The following ULK4 variants were observed in gnomAD, a reference collection of about 807,000 sequenced individuals.
ULK4 encodes inactive serine/threonine-protein kinase ULK4.
Under a neutral mutation model 160.6 loss-of-function variants are expected in ULK4, and 133 were observed. That is an observed-to-expected ratio of 0.83 (90% CI 0.72 to 0.96). The LOEUF is 0.96. Among genes scored for constraint, ULK4 ranks in the 40% least tolerant of loss-of-function variants. The pLI, the probability that ULK4 is intolerant of heterozygous loss-of-function variation, is 0.00. For synonymous variants in ULK4, 534 were observed against 539.8 expected, an observed-to-expected ratio of 0.99 and a Z score of 0.15; for missense variants, 1,580 against 1,499.5, an observed-to-expected ratio of 1.05 and a Z score of -0.89.
At chr3:41,794,218 A>T (rs1357123694) in intron 20 of ULK4, among the ~76,000 whole-genome samples, 2 of 152,240 alleles carry the variant, frequency 1.3e-5, no homozygotes, top group Non-Finnish European at 2.9e-5. Flanking sequence ...AAGTGGAACA[A>T]CATGTAGAGC....
At chr3:41,415,872 T>C (rs1443131496) in intron 34 of ULK4, among the ~76,000 whole-genome samples, 1 of 152,104 alleles carries the variant, frequency 6.6e-6, no homozygotes, top group African/African-American at 2.4e-5. Context: ...GCCAAATAAG[T>C]GTGTCAGTGA....
chr3:41,503,693 C>T (rs1009287944), intron 32 of ULK4, among the ~76,000 whole-genome samples: 1 of 152,036 alleles, frequency 6.6e-6, no homozygotes, highest in Non-Finnish European at 1.5e-5. Context: ...AAGTAGAACA[C>T]GTATGTAATT....
chr3:41,396,666 C>T lies in ULK4; in HGVS notation c.3678+1413G>A, dbSNP rs191369574. Among the ~76,000 whole-genome samples the T allele has an allele frequency of 7.2e-5, 11 of 152,124 alleles. No individual in the cohort carries two copies. In the East Asian group the frequency reaches 1.9e-3, roughly 27 times the overall value. On this transcript the variant is annotated intron_variant, in intron 35 of 36. Transcript: ENST00000301831. ...CAACTGAGGCTTTTGCCTTGAATAA[C>T]CAGAAAGTCCAAAAGAAAATGGAAA...
intron 22 of ULK4, among the ~76,000 whole-genome samples, chr3:41,734,759 G>A (rs144445335): frequency 6.6e-6 from 1 of 152,202 alleles, no homozygotes; most frequent in East Asian, 1.9e-4. Context: ...TTTTCACATA[G>A]TCCCACTGGA....
intron 33 of ULK4, 27 bp downstream of exon 33, chr3:41,463,060 C>G: frequency 6.2e-7 from 1 of 1,608,548 alleles, no homozygotes; most frequent in Non-Finnish European, 8.5e-7. Flanking sequence ...TAGGGCTGCT[C>G]AAGACACAGG....
chr3:41,670,883 C>T (rs1209410738), intron 29 of ULK4, among the ~76,000 whole-genome samples: 1 of 152,008 alleles, frequency 6.6e-6, no homozygotes, highest in Admixed American at 6.6e-5. Flanking sequence ...TATCTTTATG[C>T]TCTACTACCT....
In ULK4 at chr3:41,898,233, C is replaced by G. The variant is rs569791845; in HGVS notation, c.1348+199G>C. On this transcript the variant is annotated intron_variant, in intron 14 of 36. Coordinates refer to ENST00000301831, the MANE Select transcript of ULK4 (RefSeq NM_017886.4). ...CCACAATAGGACTGGGCAGCCCAGA[C>G]TCAGCTAAGAAATGTCAACAGCTGG... Among the ~76,000 whole-genome samples, 7 of 152,312 alleles carry G rather than the reference C, an allele frequency of 4.6e-5. No homozygotes were observed. The East Asian group carries it at 1.2e-3, about 25-fold the overall frequency.
intron 17 of ULK4, among the ~76,000 whole-genome samples, chr3:41,873,959 C>A (rs1485037108): frequency 6.6e-6 from 1 of 150,738 alleles, no homozygotes; most frequent in African/African-American, 2.4e-5. Flanking sequence ...AATTAGAAGA[C>A]CACATATTAT....
intron 35 of ULK4, among the ~76,000 whole-genome samples, chr3:41,265,316 G>C (rs1202258126): frequency 1.3e-5 from 2 of 152,188 alleles, no homozygotes; most frequent in African/African-American, 4.8e-5. Context: ...CGTCACCTCG[G>C]GCCCTTGCTG....
chr3:41,587,977 T>C (rs2030959154), intron 31 of ULK4, among the ~76,000 whole-genome samples: 1 of 152,172 alleles, frequency 6.6e-6, no homozygotes, highest in Admixed American at 6.5e-5. Flanking sequence ...TAATAATTAG[T>C]TTAAATACAG....
intron 35 of ULK4, among the ~76,000 whole-genome samples, chr3:41,291,029 T>G (rs2079550215): frequency 6.6e-6 from 1 of 152,168 alleles, no homozygotes; most frequent in Admixed American, 6.5e-5. Context: ...GAGAATTCAG[T>G]GGTACAGGCA....
intron 1 of ULK4, among the ~76,000 whole-genome samples, chr3:41,957,515 A>G (rs1223503164): frequency 6.6e-6 from 1 of 151,702 alleles, no homozygotes; most frequent in Non-Finnish European, 1.5e-5. Flanking sequence ...GTTAGACTAT[A>G]TTAAACTTTC....
intron 35 of ULK4, among the ~76,000 whole-genome samples, chr3:41,250,708 G>C (rs773818506): frequency 6.6e-6 from 1 of 152,136 alleles, no homozygotes; most frequent in Non-Finnish European, 1.5e-5. Flanking sequence ...GAATGCATTC[G>C]CACCTCCACT....
At chr3:41,390,437 C>T (rs546895966) in intron 35 of ULK4, among the ~76,000 whole-genome samples, 11 of 152,012 alleles carry the variant, frequency 7.2e-5, no homozygotes, top group East Asian at 1.9e-4. Flanking sequence ...CTTGCTTTTC[C>T]AGTTCTTTTA....
At chr3:41,944,900 CACT>C (rs1700067890) in intron 2 of ULK4, among the ~76,000 whole-genome samples, 1 of 152,170 alleles carries the variant, frequency 6.6e-6, no homozygotes. Flanking sequence ...CACCATATAC[CACT>C]GACGTTATTT....
chr3:41,675,252 A>T (rs902030585), intron 29 of ULK4, among the ~76,000 whole-genome samples: 4 of 151,926 alleles, frequency 2.6e-5, no homozygotes, highest in Non-Finnish European at 5.9e-5. Context: ...AAAAAGAAAG[A>T]GAAAGTGTTT....
chr3:41,951,144 C>CAAA (rs34524276), intron 2 of ULK4, among the ~76,000 whole-genome samples: 1,003 of 64,020 alleles, frequency 0.016, 56 homozygotes, highest in African/African-American at 0.049. Context: ...GGCTTCGTCT[C>CAAA]AAAAAAAAAA....
chr3:41,257,897 A>T (rs1015598950), intron 35 of ULK4, among the ~76,000 whole-genome samples: 9 of 152,242 alleles, frequency 5.9e-5, no homozygotes, highest in Admixed American at 1.3e-4. Flanking sequence ...ATGAGATATT[A>T]GTAAAAAATA....
At chr3:41,281,154 G>T (rs2079344729) in intron 35 of ULK4, among the ~76,000 whole-genome samples, 1 of 151,942 alleles carries the variant, frequency 6.6e-6, no homozygotes, top group South Asian at 2.1e-4. Flanking sequence ...TGAAATTGAG[G>T]CAATAATAGC....
Sources: gnomAD v4.1 joint callset for allele counts (sites outside exome capture counted in the v4.1 genomes callset) on GRCh38, gnomAD v4.1.1 for gene constraint, MANE v1.5 for transcripts, NCBI Gene and HGNC (gene_info 2026-07-23, HGNC 2026-07-21) for gene names.